UNC13C: variants seen among roughly 807,000 people sequenced by gnomAD.
UNC13C encodes the protein unc-13 homolog C, also known as protein unc-13 homolog C.
Under a neutral mutation model 245.4 loss-of-function variants are expected in UNC13C, and 174 were observed. The observed-to-expected ratio is 0.71, with a 90% CI of 0.63 to 0.80. The LOEUF (loss-of-function observed/expected upper bound fraction) is 0.80, where lower values mean the gene tolerates loss of function less well. Ranked by LOEUF, UNC13C falls within the 30% of genes least tolerant of loss-of-function variation. The probability of loss-of-function intolerance (pLI) is 0.00; values close to 1 mark genes in which losing one functional copy is unlikely to be tolerated. For missense variants in UNC13C, 2,829 were observed against 2,602.9 expected (o/e 1.09, Z -1.89); for synonymous variants, 992 against 895.1 (o/e 1.11, Z -1.93).
At chr15:54,311,093 A>G (rs1317467928) in intron 13 of UNC13C, among the ~76,000 whole-genome samples, 1 of 151,788 alleles carries the variant, frequency 6.6e-6, no homozygotes, top group Admixed American at 6.6e-5. Flanking sequence ...AGAAAAGGAT[A>G]GGTATTTTTA....
chr15:54,173,243 G>T lies in UNC13C; in HGVS notation c.3071+29559G>T, dbSNP rs529751489. ...GAAGTCCCATATAAATTTTTACAAG[G>T]TCTACTAAAAACAACCTGCTGGGAT... On this transcript the variant is annotated intron_variant, in intron 4 of 32. Coordinates refer to ENST00000260323, the MANE Select transcript of UNC13C (RefSeq NM_001080534.3). Among the ~76,000 whole-genome samples the T allele has an allele frequency of 4.9e-4, 74 of 151,956 alleles. 1 individual carries two copies. The highest frequency in any genetic ancestry group is 1.7e-3 in the African/African-American group (72 of 41,486).
intron 19 of UNC13C, among the ~76,000 whole-genome samples, chr15:54,478,098 GAGGTGTTTGT>G (rs1181311821): frequency 6.6e-6 from 1 of 151,830 alleles, no homozygotes; most frequent in Non-Finnish European, 1.5e-5. Flanking sequence ...TATTTGCGTA[GAGGTGTTTGT>G]AGTATTCTCT....
At chr15:54,267,857 G>T (rs2036585355) in intron 10 of UNC13C, among the ~76,000 whole-genome samples, 1 of 152,054 alleles carries the variant, frequency 6.6e-6, no homozygotes, top group Non-Finnish European at 1.5e-5. Context: ...TATTCATTCT[G>T]CTGTCTGTTT....
the UNC13C span, among the ~76,000 whole-genome samples, chr15:53,894,426 T>C: frequency 4.6e-5 from 7 of 152,348 alleles, no homozygotes; most frequent in Admixed American, 4.6e-4. Context: ...AACCCCTTTA[T>C]CCCTTTCCTG....
At chr15:54,189,153 G>A (rs2034095618) in intron 4 of UNC13C, among the ~76,000 whole-genome samples, 1 of 152,092 alleles carries the variant, frequency 6.6e-6, no homozygotes, top group South Asian at 2.1e-4. Flanking sequence ...GTATTCATAT[G>A]AGACTAGATG....
chr15:54,379,965 C>G (rs2039687752), intron 17 of UNC13C, among the ~76,000 whole-genome samples: 1 of 152,092 alleles, frequency 6.6e-6, no homozygotes, highest in African/African-American at 2.4e-5. Context: ...TACATTGCCT[C>G]ACATAGTTAT....
chr15:53,903,260 A>T, the UNC13C span, among the ~76,000 whole-genome samples: 1 of 152,242 alleles, frequency 6.6e-6, no homozygotes, highest in Admixed American at 6.5e-5. Context: ...AAGATGTAAC[A>T]TATTACAATT....
chr15:54,075,252 G>A (rs1048954010), intron 2 of UNC13C, among the ~76,000 whole-genome samples: 9 of 152,062 alleles, frequency 5.9e-5, no homozygotes, highest in Non-Finnish European at 8.8e-5. Flanking sequence ...TTGAGAGGCC[G>A]AGGCGGGCGG....
At position 54,014,686 on chromosome 15, in the gene UNC13C, G is replaced by T; in HGVS notation, c.1783G>T (p.Ala595Ser). 1 of 1,613,740 alleles carries T rather than the reference G, an allele frequency of 6.2e-7. No individual in the cohort carries two copies. The highest frequency in any genetic ancestry group is 8.5e-7 in the Non-Finnish European group (1 of 1,179,844). Residue 595 changes from alanine (A) to serine (S), a missense_variant, in exon 2 of 33, where the codon GCG (alanine) becomes TCG (serine). By Grantham distance (99) the Ala-to-Ser change is moderately conservative (BLOSUM62 1). Coordinates refer to ENST00000260323, the MANE Select transcript of UNC13C (RefSeq NM_001080534.3). The part of the protein sequence containing the change: ...ELWQRKQEGT[A>S]TLYDSPKDQH... ...ATGGCAGAGGAAACAGGAAGGAACAGCGACCCTGTATGACAGTCCCAAGGA... is the reference window on the plus strand; with the variant it reads ...ATGGCAGAGGAAACAGGAAGGAACATCGACCCTGTATGACAGTCCCAAGGA...
chr15:54,070,214 A>G (rs1465117210), intron 2 of UNC13C, among the ~76,000 whole-genome samples: 1 of 152,196 alleles, frequency 6.6e-6, no homozygotes, highest in Non-Finnish European at 1.5e-5. Flanking sequence ...ATCAATTCAA[A>G]TGTTTTCATT....
At chr15:53,884,216 G>A in the UNC13C span, among the ~76,000 whole-genome samples, 3 of 152,170 alleles carry the variant, frequency 2.0e-5, no homozygotes, top group African/African-American at 4.8e-5. Context: ...GCAGGAAGAC[G>A]AAGGGACCTG....
At chr15:53,898,187 A>ACCG in the UNC13C span, among the ~76,000 whole-genome samples, 2 of 85,574 alleles carry the variant, frequency 2.3e-5, no homozygotes. Flanking sequence ...AGAGATAATG[A>ACCG]CCACCACAAC....
At chr15:54,095,807 G>A (rs1049209240) in intron 2 of UNC13C, among the ~76,000 whole-genome samples, 4 of 152,204 alleles carry the variant, frequency 2.6e-5, no homozygotes, top group Admixed American at 2.0e-4. Context: ...ATATTCAAAA[G>A]GCTTACTTAG....
intron 30 of UNC13C, among the ~76,000 whole-genome samples, chr15:54,601,136 T>C (rs1365381808): frequency 6.6e-6 from 1 of 152,222 alleles, no homozygotes; most frequent in East Asian, 1.9e-4. Flanking sequence ...AGTAAACCCC[T>C]ACATTCTCAC....
chr15:54,276,649 G>A (rs1215290945), intron 10 of UNC13C, among the ~76,000 whole-genome samples: 2 of 152,020 alleles, frequency 1.3e-5, no homozygotes, highest in Non-Finnish European at 2.9e-5. Context: ...GGCTAGTTAG[G>A]ATGTAATACT....
chr15:54,446,656 G>A (rs967186352), intron 19 of UNC13C, among the ~76,000 whole-genome samples: 2 of 152,174 alleles, frequency 1.3e-5, no homozygotes, highest in Non-Finnish European at 2.9e-5. Flanking sequence ...CTGAGACTTT[G>A]CTGAAGTTGC....
chr15:53,915,339 T>C, the UNC13C span, among the ~76,000 whole-genome samples: 5 of 152,216 alleles, frequency 3.3e-5, no homozygotes, highest in Non-Finnish European at 7.3e-5. Flanking sequence ...ATCTTTTAAA[T>C]GAAAACTTAA....
chr15:54,623,925 G>A lies in UNC13C; in HGVS notation c.6330G>A (p.Trp2110Ter). 1 of 1,613,148 alleles carries A rather than the reference G, an allele frequency of 6.2e-7. No individual in the cohort carries two copies. The highest frequency in any genetic ancestry group is 8.5e-7 in the Non-Finnish European group (1 of 1,179,368). The change falls in exon 32 of 33, where the codon TGG becomes TGA. Residue 2110 changes from tryptophan (W) to a stop codon, truncating the protein, a stop_gained. Coordinates refer to ENST00000260323, the MANE Select transcript of UNC13C (RefSeq NM_001080534.3). LOFTEE classifies it high-confidence loss of function. Reference protein sequence around the residue: ...KQGTKTKSNTWSPKYNETFQF... With the variant: ...KQGTKTKSNT The stretch of plus-strand genomic sequence containing the variant: ...GCACAAAAACAAAAAGCAACACATG[G>A]TCACCAAAGTACAATGAAACATTTC...
intron 25 of UNC13C, among the ~76,000 whole-genome samples, chr15:54,528,149 A>G (rs1307433387): frequency 6.6e-6 from 1 of 152,210 alleles, no homozygotes; most frequent in African/African-American, 2.4e-5. Flanking sequence ...GAGCTGAGCC[A>G]AACCACACAT....
Sources: allele counts gnomAD v4.1 joint callset (sites outside exome capture counted in the v4.1 genomes callset), GRCh38; gene constraint gnomAD v4.1.1; transcripts MANE v1.5; gene names NCBI Gene and HGNC (gene_info 2026-07-23, HGNC 2026-07-21).